SLC30A3: variants seen among roughly 807,000 people sequenced by gnomAD.
SLC30A3 encodes solute carrier family 30 member 3, also known as probable proton-coupled zinc antiporter SLC30A3.
Under a neutral mutation model 35.6 loss-of-function variants are expected in SLC30A3, and 20 were observed. That is an observed-to-expected ratio of 0.56 (90% CI 0.39 to 0.82). The LOEUF is 0.82. Among genes scored for constraint, SLC30A3 ranks in the 40% least tolerant of loss-of-function variants. SLC30A3 has a pLI of 0.00. For synonymous variants in SLC30A3, 217 were observed against 224.7 expected, an observed-to-expected ratio of 0.97 and a Z score of 0.31; for missense variants, 401 against 530.6, an observed-to-expected ratio of 0.76 and a Z score of 2.40.
chr2:27,261,463 C>G (rs528194641), intron 1 of SLC30A3, among the ~76,000 whole-genome samples: 12 of 152,280 alleles, frequency 7.9e-5, no homozygotes, highest in African/African-American at 2.6e-4. Context: ...AGCGCAGAGG[C>G]TGGGTGGCTT....
chr2:27,261,723 A>C (rs2148132575), intron 1 of SLC30A3, among the ~76,000 whole-genome samples: 1 of 152,146 alleles, frequency 6.6e-6, no homozygotes, highest in South Asian at 2.1e-4. Context: ...AGCGGGGAAG[A>C]GGGGTGACGT....
upstream of SLC30A3, among the ~76,000 whole-genome samples, chr2:27,266,840 T>A (rs1572487814): frequency 6.6e-6 from 1 of 152,210 alleles, no homozygotes; most frequent in Non-Finnish European, 1.5e-5. Context: ...GAGGTTGCAG[T>A]GAGCTGAGAT....
At chr2:27,267,836 G>A (rs1677555103), upstream of SLC30A3, among the ~76,000 whole-genome samples, 1 of 151,808 alleles carries the variant, frequency 6.6e-6, no homozygotes, top group South Asian at 2.1e-4. Flanking sequence ...TCTGGAGGCT[G>A]AGGCAGGAGA....
Position 27,262,920 on chromosome 2 carries a change from C to A in SLC30A3, c.-14G>T, listed in dbSNP as rs760115970. On this transcript the variant is annotated 5_prime_UTR_variant, in exon 1 of 8. Transcript: ENST00000233535. This position sits in a 1 kb window ranked among gnomAD's most constrained non-coding sequence, Gnocchi z 7.5. ...AGAGGGCTCCATGTTCCCGGTGCCC[C>A]GACCGTCTAGGCCCCACCGAGGAAG... 2.8e-5 allele frequency: 44 copies of A among 1,550,318 alleles called. No individual in the cohort carries two copies. The highest frequency in any genetic ancestry group is 3.5e-5 in the Non-Finnish European group (40 of 1,156,126).
rs13390228 is a variant in SLC30A3 at position 27,255,363 on chromosome 2, A to G, written c.1116T>C (p.Tyr372=). ...GCAGGCACTGGGCCATCTCCGGCTGATACTGCTCGACCTGCAGGGTGCAGC... is the reference window on the plus strand; with the variant it reads ...GCAGGCACTGGGCCATCTCCGGCTGGTACTGCTCGACCTGCAGGGTGCAGC... ...FSSCTLQVEQ[Y]QPEMAQCLRC... The change falls in exon 8 of 8, where the codon TAT becomes TAC. Residue 372 remains tyrosine (Y), a synonymous_variant. Transcript: ENST00000233535. The surrounding 1 kb of genome is among the most constrained non-coding windows in gnomAD (Gnocchi z 5.2). 54,868 of 1,614,044 alleles carry G rather than the reference A, an allele frequency of 0.034. 7,763 individuals carry two copies. The African/African-American group carries it at 0.44, about 13-fold the overall frequency.
chr2:27,262,731 C>T lies in SLC30A3; in HGVS notation c.95+81G>A. ...GTGCGCTGGGGCGGCCGCCGGGGCCCGCGCCGAGAGAGACAACGAAATGGA... is the reference window on the plus strand; with the variant it reads ...GTGCGCTGGGGCGGCCGCCGGGGCCTGCGCCGAGAGAGACAACGAAATGGA... On this transcript the variant is annotated intron_variant, in intron 1 of 7. Coordinates refer to ENST00000233535, the MANE Select transcript of SLC30A3 (RefSeq NM_003459.5). The surrounding 1 kb of genome is among the most constrained non-coding windows in gnomAD (Gnocchi z 7.5). 1.5e-6 allele frequency: 2 copies of T among 1,352,248 alleles called. No homozygotes were observed. Among genetic ancestry groups the T allele is most frequent in the South Asian group, 1.6e-5 (1 of 61,394 alleles). The allele number at this position is 1,352,248 out of a possible 1,614,324, so 83.8% of individuals were successfully genotyped here.
At position 27,271,403 on chromosome 2, in the gene SLC30A3, G is replaced by A. The variant is rs1677720979; in HGVS notation, c.-159+3774C>T. Among the ~76,000 whole-genome samples, 1 of 152,150 alleles carries A rather than the reference G, an allele frequency of 6.6e-6. No individual in the cohort carries two copies. The highest frequency in any genetic ancestry group is 2.4e-5 in the African/African-American group (1 of 41,438). On this transcript the variant is annotated intron_variant, in intron 1 of 5. Coordinates refer to the SLC30A3 transcript ENST00000424577. The surrounding 1 kb of genome is among the most constrained non-coding windows in gnomAD (Gnocchi z 4.3). ...TCACTGACTCAAGGTATGATGGGAG[G>A]GCAAATGATCCAAGAAATGGTTTTA...
At chr2:27,269,505 C>G (rs550505944) in intron 1 of SLC30A3, among the ~76,000 whole-genome samples, 1 of 151,910 alleles carries the variant, frequency 6.6e-6, no homozygotes, top group Non-Finnish European at 1.5e-5. Flanking sequence ...CCACACCTGG[C>G]CTTTCTTTTC....
At chr2:27,263,264 G>C (rs1677322785), upstream of SLC30A3, 3 of 508,234 alleles carry the variant, frequency 5.9e-6, no homozygotes, top group Admixed American at 7.5e-5. Flanking sequence ...CGTCCCCCAG[G>C]CGAGCTAGCC....
upstream of SLC30A3, among the ~76,000 whole-genome samples, chr2:27,265,613 C>A (rs1253269528): frequency 6.6e-6 from 1 of 152,174 alleles, no homozygotes; most frequent in Non-Finnish European, 1.5e-5. The surrounding 1 kb of genome is among the most constrained non-coding windows in gnomAD (Gnocchi z 5.9). Flanking sequence ...GGAGGTCCAA[C>A]TTCTACTCCA....
In SLC30A3 at chr2:27,255,462, T is replaced by C; in HGVS notation, c.1019-2A>G. The C allele has an allele frequency of 6.2e-7, 1 of 1,612,566 alleles. No homozygotes were observed. The highest frequency in any genetic ancestry group is 8.5e-7 in the Non-Finnish European group (1 of 1,179,592). ...CGGCTTCAGGGTCAGCGGTGGAGTC[T>C]GTGGGAGAGTGATAAGAGGCGGCAT... On this transcript the variant is annotated splice_acceptor_variant, in intron 7 of 7. Transcript: ENST00000233535. LOFTEE classifies it high-confidence loss of function. The surrounding 1 kb of genome is among the most constrained non-coding windows in gnomAD (Gnocchi z 5.2).
chr2:27,256,992 C>A (rs1676894876), intron 5 of SLC30A3, 99 bp from the exon 6 acceptor site: 2 of 1,119,822 alleles, frequency 1.8e-6, no homozygotes, highest in Admixed American at 4.3e-5. Context: ...CCCCTCAAAA[C>A]CCTGAAGAGG....
chr2:27,262,489 C>G lies in SLC30A3; in HGVS notation c.95+323G>C, dbSNP rs1677252540. Among the ~76,000 whole-genome samples the G allele has an allele frequency of 6.6e-6, 1 of 151,878 alleles. No homozygotes were observed. The highest frequency in any genetic ancestry group is 1.5e-5 in the Non-Finnish European group (1 of 67,926). On this transcript the variant is annotated intron_variant, in intron 1 of 7. Transcript: ENST00000233535. The surrounding 1 kb of genome is among the most constrained non-coding windows in gnomAD (Gnocchi z 7.5). The stretch of plus-strand genomic sequence containing the variant: ...GACCTTGGCGCACCGGGCGAGGGCT[C>G]CGGCCCGACCGAGCGGCAGCTGCTC...
In SLC30A3 at chr2:27,257,299, C is replaced by G. The variant is rs375191770; in HGVS notation, c.632G>C (p.Gly211Ala). Reference sequence around the variant, plus strand: ...CTCCTCCAGCGGTGCATACTCTGCTCCCCTAGACCCGTGGCTGTGGGGGGG... The same window carrying G: ...CTCCTCCAGCGGTGCATACTCTGCTGCCCTAGACCCGTGGCTGTGGGGGGG... The part of the protein sequence containing the change: ...AGPPHSHGSR[G>A]AEYAPLEEGP... The change falls in exon 5 of 8, where the codon GGA (glycine) becomes GCA (alanine). Residue 211 changes from glycine (G) to alanine (A), a missense_variant. Gly to Ala is a moderately conservative substitution (Grantham distance 60). This residue lies in a region of SLC30A3 where 296 missense variants were observed against 392.6 expected (regional missense o/e 0.75). Transcript: ENST00000233535. The surrounding 1 kb of genome is among the most constrained non-coding windows in gnomAD (Gnocchi z 4.7). 2 of 1,613,898 alleles carry G rather than the reference C, an allele frequency of 1.2e-6. No individual in the cohort carries two copies. The highest frequency in any genetic ancestry group is 1.7e-6 in the Non-Finnish European group (2 of 1,179,904).
upstream of SLC30A3, chr2:27,263,505 G>C (rs1677338025): frequency 3.4e-6 from 1 of 298,232 alleles, no homozygotes; most frequent in Non-Finnish European, 7.0e-6. Context: ...CGGTGACACA[G>C]GGAGATTCCA....
upstream of SLC30A3, chr2:27,263,212 C>A (rs1558564107): frequency 6.0e-6 from 5 of 835,346 alleles, no homozygotes; most frequent in Non-Finnish European, 8.3e-6. Flanking sequence ...CCGGGAGCGC[C>A]CCGCCACCCG....
chr2:27,269,397 C>T (rs1016412647), intron 1 of SLC30A3, among the ~76,000 whole-genome samples: 21 of 151,674 alleles, frequency 1.4e-4, no homozygotes, highest in African/African-American at 4.6e-4. Flanking sequence ...TTAGTAGAGA[C>T]GGGGTTTCAC....
At chr2:27,263,971 T>G, upstream of SLC30A3, 1 of 1,159,152 alleles carries the variant, frequency 8.6e-7, no homozygotes, top group Non-Finnish European at 1.1e-6. Flanking sequence ...TTCTGCCTCA[T>G]TTGGGGGAAA....
chr2:27,266,544 T>C (rs981886936), upstream of SLC30A3, among the ~76,000 whole-genome samples: 1 of 152,170 alleles, frequency 6.6e-6, no homozygotes, highest in Non-Finnish European at 1.5e-5. Context: ...TCTGGGTACA[T>C]AGAGAGTCAC....
Sources: allele counts gnomAD v4.1 joint callset (sites outside exome capture counted in the v4.1 genomes callset), GRCh38; gene constraint gnomAD v4.1.1; regional missense constraint gnomAD v4.1.1; non-coding constraint Gnocchi (gnomAD v3.1); transcripts MANE v1.5; gene names NCBI Gene and HGNC (gene_info 2026-07-23, HGNC 2026-07-21).